HSD17B2: variants seen among roughly 807,000 people sequenced by gnomAD.
HSD17B2 encodes the protein hydroxysteroid 17-beta dehydrogenase 2, also known as 17-beta-hydroxysteroid dehydrogenase type 2.
In HSD17B2, 32 loss-of-function variants were observed where a neutral mutation model predicts 26.9. The observed-to-expected ratio is 1.19, with a 90% CI of 0.90 to 1.60. The LOEUF is 1.60. Among genes scored for constraint, HSD17B2 ranks in the 40% most tolerant of loss-of-function variants. The pLI is 0.00. For missense variants in HSD17B2, 613 were observed against 468.6 expected (o/e 1.31, Z -2.85); for synonymous variants, 246 against 186.7 (o/e 1.32, Z -2.59).
At chr16:82,081,735 C>A (rs1004288362) in intron 3 of HSD17B2, among the ~76,000 whole-genome samples, 1 of 152,152 alleles carries the variant, frequency 6.6e-6, no homozygotes, top group East Asian at 1.9e-4. Flanking sequence ...ATGGACACTG[C>A]CCCGCACTTC....
chr16:82,088,543 C>G (rs1393667736), intron 3 of HSD17B2, among the ~76,000 whole-genome samples: 2 of 152,154 alleles, frequency 1.3e-5, no homozygotes, highest in African/African-American at 4.8e-5. Context: ...TTCTATCTGA[C>G]CAACCTTCAA....
At chr16:82,071,323 T>C (rs538683936) in intron 3 of HSD17B2, 196 bp downstream of exon 3, 1 of 648,622 alleles carries the variant, frequency 1.5e-6, no homozygotes, top group African/African-American at 1.8e-5. Flanking sequence ...TAGAAACTCT[T>C]ATCTGCCTTC....
chr16:82,061,830 C>T (rs1242897301), intron 1 of HSD17B2, among the ~76,000 whole-genome samples: 1 of 152,166 alleles, frequency 6.6e-6, no homozygotes, highest in East Asian at 1.9e-4. Context: ...GACTAAAAAA[C>T]ATTTACAGGT....
intron 1 of HSD17B2, among the ~76,000 whole-genome samples, chr16:82,043,430 A>ACCATT: frequency 8.0e-6 from 1 of 124,310 alleles, no homozygotes; most frequent in Non-Finnish European, 1.5e-5. Flanking sequence ...CATGCCTGTA[A>ACCATT]TCCCAGCACT....
intron 3 of HSD17B2, among the ~76,000 whole-genome samples, chr16:82,079,223 T>C (rs1363747687): frequency 6.6e-6 from 1 of 152,202 alleles, no homozygotes; most frequent in Non-Finnish European, 1.5e-5. Context: ...TCGATTTTCC[T>C]CTGTGTTAGT....
chr16:82,084,159 G>A (rs10514523), intron 3 of HSD17B2, among the ~76,000 whole-genome samples: 41,131 of 151,956 alleles, frequency 0.27, 6,550 homozygotes, highest in Non-Finnish European at 0.36. Flanking sequence ...TACTTGTCAT[G>A]TCTCTATCTT....
At chr16:82,068,607 C>G (rs1027429806) in intron 2 of HSD17B2, among the ~76,000 whole-genome samples, 1 of 152,180 alleles carries the variant, frequency 6.6e-6, no homozygotes, top group African/African-American at 2.4e-5. Flanking sequence ...ACCTCAGTCT[C>G]ATTCTCTCCA....
chr16:82,069,670 G>A (rs1231991567), intron 2 of HSD17B2, among the ~76,000 whole-genome samples: 4 of 152,282 alleles, frequency 2.6e-5, no homozygotes, highest in East Asian at 1.9e-4. Context: ...AGTTTTCTCC[G>A]TATACCAAGA....
intron 1 of HSD17B2, among the ~76,000 whole-genome samples, chr16:82,058,230 C>T (rs1567582990): frequency 6.6e-6 from 1 of 152,076 alleles, no homozygotes; most frequent in Non-Finnish European, 1.5e-5. Flanking sequence ...GCCAGCACAC[C>T]TGGCTAATTT....
At chr16:82,089,465 C>A (rs746800297) in intron 3 of HSD17B2, among the ~76,000 whole-genome samples, 2 of 152,160 alleles carry the variant, frequency 1.3e-5, no homozygotes, top group Non-Finnish European at 2.9e-5. Flanking sequence ...GCACTGTGAG[C>A]CCTACTGTCT....
intron 1 of HSD17B2, among the ~76,000 whole-genome samples, chr16:82,038,360 T>C (rs777815813): frequency 6.6e-6 from 1 of 152,184 alleles, no homozygotes; most frequent in African/African-American, 2.4e-5. Context: ...TATTTCATTT[T>C]ATTTTTTGAG....
chr16:82,091,319 G>C (rs1182587191), intron 4 of HSD17B2: 1 of 445,682 alleles, frequency 2.2e-6, no homozygotes, highest in Middle Eastern at 6.9e-4. Context: ...TAGTGAAAAA[G>C]TACAAGGGTC....
At chr16:82,067,319 G>A (rs1231896461) in intron 1 of HSD17B2, among the ~76,000 whole-genome samples, 2 of 152,184 alleles carry the variant, frequency 1.3e-5, no homozygotes, top group African/African-American at 4.8e-5. Flanking sequence ...ACTGTTATAT[G>A]TTTATTATGG....
chr16:82,077,750 GAAAGAAAGA>G (rs1341123195), intron 3 of HSD17B2, among the ~76,000 whole-genome samples: 4 of 139,858 alleles, frequency 2.9e-5, no homozygotes, highest in Admixed American at 7.3e-5. Context: ...AAAGAAAGAA[GAAAGAAAGA>G]AAAGAAAGAA....
intron 1 of HSD17B2, among the ~76,000 whole-genome samples, chr16:82,039,350 A>G (rs868191175): frequency 4.7e-5 from 7 of 148,544 alleles, no homozygotes; most frequent in African/African-American, 1.5e-4. Flanking sequence ...AGAGAGAGAG[A>G]GGGAGAGAGA....
intron 3 of HSD17B2, among the ~76,000 whole-genome samples, chr16:82,082,613 T>A (rs1312029892): frequency 1.3e-5 from 2 of 152,180 alleles, no homozygotes; most frequent in African/African-American, 2.4e-5. Flanking sequence ...TTAAACCCTA[T>A]ACACTTTAGT....
At chr16:82,070,550 C>T (rs748800787) in intron 2 of HSD17B2, among the ~76,000 whole-genome samples, 4 of 152,208 alleles carry the variant, frequency 2.6e-5, no homozygotes, top group Non-Finnish European at 5.9e-5. Context: ...GTGGCATGCC[C>T]GTGATGGGGA....
At chr16:82,041,616 A>T (rs1913767500) in intron 1 of HSD17B2, among the ~76,000 whole-genome samples, 2 of 152,160 alleles carry the variant, frequency 1.3e-5, no homozygotes. Context: ...CCAGAGCTTG[A>T]CTTCTGCTCC....
At chr16:82,092,304 C>T (rs1474674751) in intron 4 of HSD17B2, 2 of 152,090 alleles carry the variant, frequency 1.3e-5, no homozygotes, top group African/African-American at 2.4e-5. Flanking sequence ...CCCTTCTCTC[C>T]ACTCCCCTCC....
Sources: allele counts gnomAD v4.1 joint callset (sites outside exome capture counted in the v4.1 genomes callset), GRCh38; gene constraint gnomAD v4.1.1; transcripts MANE v1.5; gene names NCBI Gene and HGNC (gene_info 2026-07-23, HGNC 2026-07-21).